Variants in TBC1D22A observed in about 807,000 individuals in gnomAD.
TBC1D22A encodes TBC1 domain family member 22A, also known as putative GTPase activator.
Under a neutral mutation model 60.2 loss-of-function variants are expected in TBC1D22A, and 38 were observed. The observed-to-expected ratio is 0.63, with a 90% CI of 0.49 to 0.83. The LOEUF (loss-of-function observed/expected upper bound fraction) is 0.83. TBC1D22A is among the 40% of genes least tolerant of loss of function. TBC1D22A has a pLI of 0.00. For missense variants in TBC1D22A, 628 were observed against 701.0 expected, an observed-to-expected ratio of 0.90 and a Z score of 1.18; for synonymous variants, 302 against 281.7, an observed-to-expected ratio of 1.07 and a Z score of -0.72.
chr22:46,920,057 TTGTATGTATGTATGTA>T (rs60952648), intron 8 of TBC1D22A, among the ~76,000 whole-genome samples: 2 of 59,244 alleles, frequency 3.4e-5, no homozygotes, highest in East Asian at 2.9e-3. Context: ...ATGTGTTTGT[TTGTATGTATGTATGTA>T]TGTATGTATG....
chr22:46,968,157 A>C (rs1238934184), intron 8 of TBC1D22A, among the ~76,000 whole-genome samples: 8 of 152,152 alleles, frequency 5.3e-5, no homozygotes, highest in Non-Finnish European at 1.2e-4. Flanking sequence ...TTCTGGAGTT[A>C]GACCTGCCTG....
At chr22:46,859,055 A>G (rs1023027103) in intron 4 of TBC1D22A, among the ~76,000 whole-genome samples, 6 of 142,936 alleles carry the variant, frequency 4.2e-5, no homozygotes, top group South Asian at 2.3e-4. Flanking sequence ...CCTTCCCGGG[A>G]CCAGAATCCT....
intron 4 of TBC1D22A, among the ~76,000 whole-genome samples, chr22:46,860,592 G>A (rs868267770): frequency 1.4e-5 from 2 of 147,414 alleles, no homozygotes; most frequent in African/African-American, 5.1e-5. Context: ...GCCCCTTCCC[G>A]GGACCAGAAT....
At chr22:46,948,181 C>A (rs536522899) in intron 8 of TBC1D22A, among the ~76,000 whole-genome samples, 1 of 152,296 alleles carries the variant, frequency 6.6e-6, no homozygotes, top group Admixed American at 6.5e-5. Flanking sequence ...AACATTTTAG[C>A]TGAAAGAGAG....
chr22:46,847,520 C>T (rs1301290645), intron 4 of TBC1D22A, among the ~76,000 whole-genome samples: 4 of 152,226 alleles, frequency 2.6e-5, no homozygotes, highest in Non-Finnish European at 5.9e-5. Context: ...TGCTGCTTCT[C>T]TGCCTTTCTT....
intron 9 of TBC1D22A, among the ~76,000 whole-genome samples, chr22:46,980,354 TG>T (rs757493291): frequency 1.1e-4 from 16 of 152,280 alleles, no homozygotes; most frequent in Non-Finnish European, 2.1e-4. Context: ...AGCTAATTTT[TG>T]TATTTTTAGT....
At chr22:47,159,523 A>G (rs1246211203) in intron 12 of TBC1D22A, among the ~76,000 whole-genome samples, 2 of 151,790 alleles carry the variant, frequency 1.3e-5, no homozygotes, top group African/African-American at 4.9e-5. Context: ...CACCATGTTT[A>G]CACACAGCAC....
chr22:47,172,025 CCCAGTGAGCCTACCCAGCA>C (rs2068489638), intron 12 of TBC1D22A, among the ~76,000 whole-genome samples: 1 of 74,916 alleles, frequency 1.3e-5, no homozygotes, highest in African/African-American at 6.5e-5. Context: ...ACCCAGCACT[CCCAGTGAGCCTACCCAGCA>C]CTCCCAGTGA....
chr22:46,890,128 G>A (rs554202319), intron 5 of TBC1D22A, among the ~76,000 whole-genome samples: 50 of 152,078 alleles, frequency 3.3e-4, no homozygotes, highest in Non-Finnish European at 4.7e-4. Flanking sequence ...GGTGGATCAC[G>A]AGGTCAAGAG....
intron 10 of TBC1D22A, among the ~76,000 whole-genome samples, chr22:47,031,624 TG>T (rs2062477520): frequency 6.6e-6 from 1 of 151,812 alleles, no homozygotes; most frequent in African/African-American, 2.4e-5. Flanking sequence ...TCTGGTGGTG[TG>T]GGGTCGTTTC....
intron 8 of TBC1D22A, among the ~76,000 whole-genome samples, chr22:46,937,377 C>T (rs1331993712): frequency 6.6e-6 from 1 of 152,174 alleles, no homozygotes; most frequent in African/African-American, 2.4e-5. Context: ...GAGAATTCCT[C>T]TCACCTGGTG....
At chr22:47,135,262 T>C (rs1479797604) in intron 12 of TBC1D22A, among the ~76,000 whole-genome samples, 2 of 152,156 alleles carry the variant, frequency 1.3e-5, no homozygotes, top group Non-Finnish European at 2.9e-5. Context: ...AATCCCACGG[T>C]CCTTCGATGA....
At chr22:47,051,136 G>A (rs996619467) in intron 11 of TBC1D22A, among the ~76,000 whole-genome samples, 6 of 152,096 alleles carry the variant, frequency 3.9e-5, no homozygotes, top group East Asian at 1.9e-4. Context: ...CTCCTCCCTC[G>A]GGGCTGTAGA....
At chr22:47,033,650 C>T (rs986191662) in intron 10 of TBC1D22A, among the ~76,000 whole-genome samples, 6 of 152,284 alleles carry the variant, frequency 3.9e-5, no homozygotes, top group South Asian at 2.1e-4. Flanking sequence ...GGGGGAGGCT[C>T]ACAGCTTGGG....
chr22:47,031,873 G>A lies in TBC1D22A; in HGVS notation c.1202-5198G>A, dbSNP rs186541528. On this transcript the variant is annotated intron_variant, in intron 10 of 12. Coordinates refer to ENST00000337137, the MANE Select transcript of TBC1D22A (RefSeq NM_014346.5). Reference sequence around the variant, plus strand: ...TCCTCAAGTCAGCGTCCCTCAGGGAGGGGCTGAGGGCTTGGTGGCCTCTGT... The same window carrying A: ...TCCTCAAGTCAGCGTCCCTCAGGGAAGGGCTGAGGGCTTGGTGGCCTCTGT... Among the ~76,000 whole-genome samples the A allele has an allele frequency of 8.0e-3, 1,223 of 152,316 alleles. 10 individuals carry two copies. Among genetic ancestry groups the A allele is most frequent in the Middle Eastern group, 0.044 (13 of 294 alleles).
At chr22:47,148,535 C>G (rs949585442) in intron 12 of TBC1D22A, among the ~76,000 whole-genome samples, 1 of 151,546 alleles carries the variant, frequency 6.6e-6, no homozygotes, top group South Asian at 2.1e-4. Context: ...ACAGAGTCCC[C>G]TCCCTGGAGT....
chr22:46,973,163 G>A (rs1277614720), intron 8 of TBC1D22A, among the ~76,000 whole-genome samples: 1 of 152,238 alleles, frequency 6.6e-6, no homozygotes, highest in Non-Finnish European at 1.5e-5. Flanking sequence ...GGATAGGACT[G>A]TACACGACAC....
chr22:46,775,105 A>C (rs1217718709), intron 1 of TBC1D22A, among the ~76,000 whole-genome samples: 1 of 152,248 alleles, frequency 6.6e-6, no homozygotes, highest in Non-Finnish European at 1.5e-5. Flanking sequence ...GCTGAAAGCC[A>C]TCAGTGGCTC....
intron 11 of TBC1D22A, among the ~76,000 whole-genome samples, chr22:47,063,670 C>G (rs1452922381): frequency 6.6e-6 from 1 of 152,116 alleles, no homozygotes; most frequent in Non-Finnish European, 1.5e-5. Flanking sequence ...CTAGAGCTGC[C>G]ATGTGTCACA....
Sources: gnomAD v4.1 joint callset for allele counts (sites outside exome capture counted in the v4.1 genomes callset) on GRCh38, gnomAD v4.1.1 for gene constraint, MANE v1.5 for transcripts, NCBI Gene and HGNC (gene_info 2026-07-23, HGNC 2026-07-21) for gene names.